KLHL1: variants seen among roughly 807,000 people sequenced by gnomAD.
KLHL1 encodes kelch-like protein 1.
Under a neutral mutation model 77.7 loss-of-function variants are expected in KLHL1, and 47 were observed. That is an observed-to-expected ratio of 0.60 (90% CI 0.48 to 0.77). The LOEUF (loss-of-function observed/expected upper bound fraction) is 0.77, where lower values mean the gene tolerates loss of function less well. Ranked by LOEUF, KLHL1 falls within the 30% of genes least tolerant of loss-of-function variation. KLHL1 has a pLI of 0.00. For missense variants in KLHL1, 925 were observed against 910.8 expected, an observed-to-expected ratio of 1.02 and a Z score of -0.20; for synonymous variants, 360 against 325.2, an observed-to-expected ratio of 1.11 and a Z score of -1.15.
chr13:69,781,742 C>T (rs974373188), intron 7 of KLHL1, among the ~76,000 whole-genome samples: 3 of 152,112 alleles, frequency 2.0e-5, no homozygotes, highest in Non-Finnish European at 4.4e-5. Flanking sequence ...TGATTGATTG[C>T]TTTCTAGGAG....
Position 69,944,650 on chromosome 13 carries a change from T to G in KLHL1, c.818-4414A>C, listed in dbSNP as rs191456195. 1.2e-3 allele frequency among the ~76,000 whole-genome samples: 185 copies of G among 152,262 alleles called. 1 individual carries two copies. Among genetic ancestry groups the G allele is most frequent in the African/African-American group, 4.3e-3 (179 of 41,550 alleles). Reference sequence around the variant, plus strand: ...AAGATTTCATTTCACACCAAATTAATCTATAGATGTACTACAATAACATTT... The same window carrying G: ...AAGATTTCATTTCACACCAAATTAAGCTATAGATGTACTACAATAACATTT... On this transcript the variant is annotated intron_variant, in intron 3 of 10. Transcript: ENST00000377844.
At chr13:69,715,506 T>C (rs138737140) in intron 9 of KLHL1, among the ~76,000 whole-genome samples, 35 of 121,898 alleles carry the variant, frequency 2.9e-4, no homozygotes, top group African/African-American at 1.0e-3. Context: ...TTACCCAGTC[T>C]AAGGCAGTTT....
chr13:69,881,428 G>A (rs954198220), intron 5 of KLHL1, among the ~76,000 whole-genome samples: 1 of 152,036 alleles, frequency 6.6e-6, no homozygotes, highest in Non-Finnish European at 1.5e-5. Flanking sequence ...GAGGAATCTG[G>A]TGAATGAGAT....
At chr13:70,077,744 T>A (rs1887298883) in intron 1 of KLHL1, among the ~76,000 whole-genome samples, 1 of 152,002 alleles carries the variant, frequency 6.6e-6, no homozygotes, top group Non-Finnish European at 1.5e-5. Flanking sequence ...AAAATCTAAC[T>A]GCTTTTAAAA....
chr13:69,794,450 A>C (rs1016879585), intron 7 of KLHL1, among the ~76,000 whole-genome samples: 2 of 152,064 alleles, frequency 1.3e-5, no homozygotes, highest in African/African-American at 4.8e-5. Flanking sequence ...AAAGAGAAAG[A>C]AACAGAGCAT....
intron 5 of KLHL1, among the ~76,000 whole-genome samples, chr13:69,881,618 C>T (rs1317139023): frequency 6.6e-6 from 1 of 152,120 alleles, no homozygotes; most frequent in African/African-American, 2.4e-5. Context: ...GACTCAGAAT[C>T]AGAGAGAACT....
chr13:69,730,267 A>ATG (rs56271435), intron 8 of KLHL1, among the ~76,000 whole-genome samples: 1,778 of 143,900 alleles, frequency 0.012, 13 homozygotes, highest in South Asian at 0.029. Context: ...TAACACTTTA[A>ATG]TGTGTGTGTG....
intron 7 of KLHL1, among the ~76,000 whole-genome samples, chr13:69,762,969 G>A (rs1875098373): frequency 6.6e-6 from 1 of 152,002 alleles, no homozygotes. Context: ...CAGAACATTT[G>A]TCCACTCCTC....
rs1368756984 is a variant in KLHL1 at position 69,882,450 on chromosome 13, G to C, written c.1060C>G (p.Pro354Ala). Residue 354 changes from proline (P) to alanine (A), a missense_variant, in exon 5 of 11, where the codon CCA (proline) becomes GCA (alanine). By Grantham distance (27) the Pro-to-Ala change is conservative (BLOSUM62 -1). Transcript: ENST00000377844. ...VIRNQEFLLL[P>A]AEELHKLLAS... ...AGTAGTTTATGGAGCTCCTCAGCTG[G>C]AAGGAGTAAAAACTCTTGATTTCTG... 1 of 1,613,876 alleles carries C rather than the reference G, an allele frequency of 6.2e-7. No individual in the cohort carries two copies. The highest frequency in any genetic ancestry group is 1.1e-5 in the South Asian group (1 of 91,068).
chr13:69,820,281 C>T (rs1470820438), intron 6 of KLHL1, among the ~76,000 whole-genome samples: 1 of 152,182 alleles, frequency 6.6e-6, no homozygotes, highest in African/African-American at 2.4e-5. Flanking sequence ...ACAGGGTTCA[C>T]ATATCGGTTA....
chr13:70,015,720 G>T (rs767336813), intron 1 of KLHL1, among the ~76,000 whole-genome samples: 24 of 152,182 alleles, frequency 1.6e-4, no homozygotes, highest in Non-Finnish European at 5.9e-5. Context: ...AGCCTAAGCT[G>T]TGAGGTTTGA....
chr13:70,063,242 T>C (rs1186863577), intron 1 of KLHL1, among the ~76,000 whole-genome samples: 1 of 152,162 alleles, frequency 6.6e-6, no homozygotes, highest in Non-Finnish European at 1.5e-5. Context: ...GTGTTTTCCA[T>C]ATTCCAAAAC....
At chr13:69,771,061 C>A (rs963065851) in intron 7 of KLHL1, among the ~76,000 whole-genome samples, 2 of 152,166 alleles carry the variant, frequency 1.3e-5, no homozygotes. Flanking sequence ...GTGGTCAAGA[C>A]AATGCTGTTC....
At chr13:70,066,847 A>G (rs963620693) in intron 1 of KLHL1, among the ~76,000 whole-genome samples, 9 of 152,248 alleles carry the variant, frequency 5.9e-5, no homozygotes, top group African/African-American at 2.2e-4. Flanking sequence ...TTATCATAAC[A>G]GAATGAAAAA....
At chr13:69,754,664 A>G (rs1874630394) in intron 7 of KLHL1, among the ~76,000 whole-genome samples, 1 of 152,178 alleles carries the variant, frequency 6.6e-6, no homozygotes. Context: ...AGAAAAAAAA[A>G]TCATCCTAAT....
At chr13:69,815,862 C>G (rs1437842743) in intron 6 of KLHL1, among the ~76,000 whole-genome samples, 2 of 151,574 alleles carry the variant, frequency 1.3e-5, no homozygotes, top group East Asian at 3.9e-4. Context: ...CTCCAACCAT[C>G]TAAATATAAA....
intron 6 of KLHL1, among the ~76,000 whole-genome samples, chr13:69,831,820 C>G (rs1212596501): frequency 6.7e-6 from 1 of 150,024 alleles, no homozygotes; most frequent in Non-Finnish European, 1.5e-5. Context: ...ATGTGCTACA[C>G]AACATAAACA....
intron 1 of KLHL1, among the ~76,000 whole-genome samples, chr13:70,057,572 C>A (rs1251616600): frequency 1.4e-5 from 2 of 147,888 alleles, no homozygotes; most frequent in Non-Finnish European, 1.5e-5. Flanking sequence ...GTCAGGAGAT[C>A]GAGACCATCC....
At chr13:70,029,273 T>A (rs7328427) in intron 1 of KLHL1, among the ~76,000 whole-genome samples, 93,024 of 151,950 alleles carry the variant, frequency 0.61, 30,241 homozygotes, top group East Asian at 0.81. Flanking sequence ...TATGGGCAGA[T>A]GAAAGAAATT....
Sources: allele counts gnomAD v4.1 joint callset (sites outside exome capture counted in the v4.1 genomes callset), GRCh38; gene constraint gnomAD v4.1.1; transcripts MANE v1.5; gene names NCBI Gene and HGNC (gene_info 2026-07-23, HGNC 2026-07-21).